The following TENM3 variants were observed in gnomAD, a reference collection of about 807,000 sequenced individuals.
TENM3 encodes teneurin transmembrane protein 3, also known as teneurin-3.
A neutral mutation model predicts 255.1 loss-of-function variants in TENM3; 63 were observed. That is an observed-to-expected ratio of 0.25 (90% CI 0.20 to 0.30). The LOEUF is 0.30. Among genes scored for constraint, TENM3 ranks in the 10% least tolerant of loss-of-function variants. TENM3 has a pLI of 1.00. For synonymous variants in TENM3, 1,306 were observed against 1,322.3 expected (o/e 0.99, Z 0.27); for missense variants, 2,929 against 3,461.1 (o/e 0.85, Z 3.86).
At chr4:181,454,479 T>C in the TENM3 span, among the ~76,000 whole-genome samples, 1 of 152,128 alleles carries the variant, frequency 6.6e-6, no homozygotes, top group African/African-American at 2.4e-5. Flanking sequence ...TAATAAAGTC[T>C]ACAGTAGTGT....
the TENM3 span, among the ~76,000 whole-genome samples, chr4:181,733,789 T>A: frequency 6.6e-6 from 1 of 152,186 alleles, no homozygotes; most frequent in Admixed American, 6.5e-5. Context: ...TGCTTCCCAT[T>A]CTTTGTTTTT....
chr4:181,825,655 A>G, the TENM3 span, among the ~76,000 whole-genome samples: 115 of 152,336 alleles, frequency 7.5e-4, 1 homozygote, highest in African/African-American at 2.6e-3. Flanking sequence ...GCCAGATTCT[A>G]TTGACAGTAA....
At chr4:182,654,231 T>C (rs1263310444) in intron 6 of TENM3, among the ~76,000 whole-genome samples, 1 of 152,236 alleles carries the variant, frequency 6.6e-6, no homozygotes, top group Non-Finnish European at 1.5e-5. Flanking sequence ...TATTAGGTTT[T>C]CTTCATTCAA....
At chr4:181,968,729 AG>A in the TENM3 span, among the ~76,000 whole-genome samples, 7 of 152,334 alleles carry the variant, frequency 4.6e-5, no homozygotes, top group South Asian at 1.4e-3. Context: ...AAGATGATTA[AG>A]TTCTAGAGAT....
chr4:181,871,676 A>G, the TENM3 span, among the ~76,000 whole-genome samples: 7 of 152,114 alleles, frequency 4.6e-5, no homozygotes, highest in Non-Finnish European at 1.0e-4. Context: ...TTTTGTTATT[A>G]AGTTTGACAT....
At chr4:182,599,469 T>C (rs577240708) in intron 3 of TENM3, among the ~76,000 whole-genome samples, 1 of 152,286 alleles carries the variant, frequency 6.6e-6, no homozygotes, top group South Asian at 2.1e-4. Context: ...TATTTAGGTA[T>C]TATCTCTATC....
the TENM3 span, among the ~76,000 whole-genome samples, chr4:181,996,402 G>A: frequency 1.0e-3 from 154 of 152,186 alleles, no homozygotes; most frequent in East Asian, 0.028. Flanking sequence ...CAGGAGGAAC[G>A]CTTACAAGCT....
At chr4:181,723,038 A>G in the TENM3 span, among the ~76,000 whole-genome samples, 1 of 152,112 alleles carries the variant, frequency 6.6e-6, no homozygotes, top group South Asian at 2.1e-4. Context: ...TAATTACAGC[A>G]CAACACTGAC....
At chr4:182,184,785 A>G (rs1333445117) in intron 1 of TENM3, among the ~76,000 whole-genome samples, 52 of 152,082 alleles carry the variant, frequency 3.4e-4, no homozygotes, top group Non-Finnish European at 7.4e-5. Context: ...TGTTATAATC[A>G]TGTGAAAAAC....
At chr4:181,963,099 C>A in the TENM3 span, among the ~76,000 whole-genome samples, 1 of 152,054 alleles carries the variant, frequency 6.6e-6, no homozygotes, top group Admixed American at 6.5e-5. Flanking sequence ...ATTTTAGAAT[C>A]GATTTCTTCT....
chr4:181,455,861 G>A, the TENM3 span, among the ~76,000 whole-genome samples: 3 of 151,782 alleles, frequency 2.0e-5, no homozygotes, highest in Admixed American at 1.3e-4. Flanking sequence ...TATAGAATGG[G>A]GGCATTTCCA....
chr4:181,911,932 T>C, the TENM3 span, among the ~76,000 whole-genome samples: 1 of 152,208 alleles, frequency 6.6e-6, no homozygotes, highest in Non-Finnish European at 1.5e-5. Context: ...AAATTGTTAG[T>C]CATTCAGCAA....
At chr4:182,193,232 G>A (rs765694209) in intron 1 of TENM3, among the ~76,000 whole-genome samples, 4 of 152,176 alleles carry the variant, frequency 2.6e-5, no homozygotes, top group Non-Finnish European at 4.4e-5. Flanking sequence ...AATATGTCAC[G>A]AGTATAAAAA....
At chr4:182,466,182 G>A (rs2151423720) in intron 3 of TENM3, among the ~76,000 whole-genome samples, 1 of 152,178 alleles carries the variant, frequency 6.6e-6, no homozygotes, top group Non-Finnish European at 1.5e-5. Flanking sequence ...TGTTCCCTAG[G>A]GCTCCCATAA....
chr4:182,662,042 C>T (rs1754272799), intron 6 of TENM3, among the ~76,000 whole-genome samples: 1 of 152,082 alleles, frequency 6.6e-6, no homozygotes, highest in Admixed American at 6.5e-5. Context: ...TTTAAATCTT[C>T]TGTTTTGTCC....
At chr4:182,336,618 G>T (rs1298109446) in intron 2 of TENM3, among the ~76,000 whole-genome samples, 1 of 152,132 alleles carries the variant, frequency 6.6e-6, no homozygotes, top group African/African-American at 2.4e-5. Flanking sequence ...TTTCCAGATG[G>T]CCAGATCTAG....
the TENM3 span, among the ~76,000 whole-genome samples, chr4:181,568,809 G>A: frequency 6.6e-6 from 1 of 152,082 alleles, no homozygotes; most frequent in African/African-American, 2.4e-5. Context: ...CCAAGAGCAG[G>A]CTCGTCACTC....
At chr4:181,880,744 C>A in the TENM3 span, among the ~76,000 whole-genome samples, 2 of 152,116 alleles carry the variant, frequency 1.3e-5, no homozygotes, top group Admixed American at 1.3e-4. Flanking sequence ...TATATAGACC[C>A]TTACTTTAGT....
At chr4:181,691,565 A>G in the TENM3 span, among the ~76,000 whole-genome samples, 4 of 152,202 alleles carry the variant, frequency 2.6e-5, no homozygotes, top group East Asian at 1.9e-4. Flanking sequence ...TCCTTATGCT[A>G]TTTATTTTAA....
Sources: gnomAD v4.1 joint callset for allele counts (sites outside exome capture counted in the v4.1 genomes callset) on GRCh38, gnomAD v4.1.1 for gene constraint, MANE v1.5 for transcripts, NCBI Gene and HGNC (gene_info 2026-07-23, HGNC 2026-07-21) for gene names.